The following FBXO5 variants were observed in gnomAD, a reference collection of about 807,000 sequenced individuals.
FBXO5 encodes F-box only protein 5.
In FBXO5, 8 loss-of-function variants were observed where a neutral mutation model predicts 43.3. The observed-to-expected ratio is 0.18, with a 90% CI of 0.11 to 0.33. The LOEUF is 0.33. FBXO5 is among the 10% of genes least tolerant of loss of function. The pLI is 1.00. For missense variants in FBXO5, 491 were observed against 535.7 expected (o/e 0.92, Z 0.82); for synonymous variants, 204 against 193.7 (o/e 1.05, Z -0.44).
intron 2 of FBXO5, 68 bp from the exon 3 acceptor site, chr6:152,973,204 A>G: frequency 8.0e-6 from 10 of 1,242,834 alleles, no homozygotes; most frequent in Non-Finnish European, 1.2e-5. Flanking sequence ...AATACAGTAG[A>G]AAAACATCAG....
chr6:152,979,573 A>T (rs1584082487), intron 1 of FBXO5, among the ~76,000 whole-genome samples: 2 of 152,332 alleles, frequency 1.3e-5, no homozygotes, highest in Admixed American at 1.3e-4. Context: ...TCACACTTAA[A>T]GGAGTGGGGA....
Position 152,978,539 on chromosome 6 carries a change from G to GAAGAC in FBXO5, c.104-2923_104-2919dup, listed in dbSNP as rs1778211083. ...AGCAAATGGCAGTGCCTGACACAAT[G>GAAGAC]AAGACATATGATATAAAAATGTGTT... On this transcript the variant is annotated intron_variant, in intron 1 of 4. Coordinates refer to ENST00000229758, the MANE Select transcript of FBXO5 (RefSeq NM_012177.5). 2.0e-5 allele frequency among the ~76,000 whole-genome samples: 3 copies of GAAGAC among 152,166 alleles called. No individual in the cohort carries two copies. In the South Asian group the frequency reaches 6.2e-4, roughly 32 times the overall value.
chr6:152,975,071 C>T lies in FBXO5; in HGVS notation c.654G>A (p.Glu218=). The part of the protein sequence containing the change: ...NAKRNPKVDR[E]MLKEIIARGN... The stretch of plus-strand genomic sequence containing the variant: ...CTCTGGCTATAATTTCCTTCAGCAT[C>T]TCCCGATCTACTTTAGGATTTCGTT... The change falls in exon 2 of 5, where the codon GAG becomes GAA. Residue 218 remains glutamate (E), a synonymous_variant. Transcript: ENST00000229758. 1 of 1,614,178 alleles carries T rather than the reference C, an allele frequency of 6.2e-7. No homozygotes were observed. Among genetic ancestry groups the T allele is most frequent in the African/African-American group, 1.3e-5 (1 of 75,054 alleles).
chr6:152,982,222 G>C (rs1486976548), intron 1 of FBXO5, among the ~76,000 whole-genome samples: 1 of 152,144 alleles, frequency 6.6e-6, no homozygotes. Context: ...TGGCGGGAGT[G>C]GGGAGGGAGA....
Position 152,971,359 on chromosome 6 carries a change from G to A in FBXO5, c.1148C>T (p.Ser383Leu). 1 of 1,613,640 alleles carries A rather than the reference G, an allele frequency of 6.2e-7. No individual in the cohort carries two copies. The highest frequency in any genetic ancestry group is 8.5e-7 in the Non-Finnish European group (1 of 1,179,882). The change falls in exon 5 of 5, where the codon TCA becomes TTA. Residue 383 changes from serine to leucine, a missense_variant. Ser to Leu is a moderately radical substitution (Grantham distance 145). Coordinates refer to ENST00000229758, the MANE Select transcript of FBXO5 (RefSeq NM_012177.5). ...ESLKACIRCN[S>L]PAKYDCYLQR... is the part of the protein sequence containing the mutation. ...TAAATAGCAATCATATTTTGCAGGT[G>A]AATTACAGCGAATACAGGCTTTGAG... is the stretch of plus-strand genomic sequence containing the variant.
intron 1 of FBXO5, among the ~76,000 whole-genome samples, chr6:152,980,051 G>A (rs1218291446): frequency 6.6e-6 from 1 of 152,172 alleles, no homozygotes; most frequent in Non-Finnish European, 1.5e-5. Context: ...TATAAAAATG[G>A]AAGCTGAAGC....
At chr6:152,980,006 C>T (rs1469121113) in intron 1 of FBXO5, among the ~76,000 whole-genome samples, 3 of 152,020 alleles carry the variant, frequency 2.0e-5, no homozygotes, top group African/African-American at 7.2e-5. Context: ...ATTTCCATAA[C>T]AATACTGCAG....
At position 152,978,377 on chromosome 6, in the gene FBXO5, T is replaced by TTGGGGGGGGGG. The variant is rs1491205604; in HGVS notation, c.104-2757_104-2756insCCCCCCCCCCA. The stretch of plus-strand genomic sequence containing the variant: ...ATTAATCATGGAGAGCTTCATTTTT[T>TTGGGGGGGGGG]GGGGGGGGGGGGGGGGCGGGGGACT... On this transcript the variant is annotated intron_variant, in intron 1 of 4. Coordinates refer to ENST00000229758, the MANE Select transcript of FBXO5 (RefSeq NM_012177.5). 9.5e-5 allele frequency among the ~76,000 whole-genome samples: 2 copies of TTGGGGGGGGGG among 21,110 alleles called. 1 individual carries two copies. The highest frequency in any genetic ancestry group is 4.0e-4 in the African/African-American group (2 of 4,960). 13.8% of individuals were successfully genotyped at this position (21,110 alleles called of 152,430 possible). A position where few individuals can be genotyped will look rare whatever the true frequency, so the allele number is the denominator to read the frequency against.
chr6:152,974,802 G>C, intron 2 of FBXO5, 105 bp downstream of exon 2: 2 of 854,420 alleles, frequency 2.3e-6, no homozygotes, highest in Non-Finnish European at 1.8e-6. Flanking sequence ...TCAGATGAGG[G>C]ACACTCAACC....
chr6:152,983,372 C>A (rs1031524160), upstream of FBXO5: 1 of 170,370 alleles, frequency 5.9e-6, no homozygotes, highest in Non-Finnish European at 1.2e-5. Flanking sequence ...TCTTCTGGAC[C>A]GGCCTCCTGC....
intron 1 of FBXO5, 139 bp from the exon 2 acceptor site, chr6:152,975,760 G>A (rs1175687048): frequency 1.7e-5 from 10 of 581,548 alleles, no homozygotes; most frequent in Non-Finnish European, 2.7e-5. Context: ...ACATAGCTGT[G>A]ATGTTATTCA....
intron 1 of FBXO5, among the ~76,000 whole-genome samples, chr6:152,977,676 T>TAAAGAATTAGGTTTGATTTATATATA: frequency 6.6e-6 from 1 of 152,252 alleles, no homozygotes; most frequent in East Asian, 1.9e-4. Context: ...TCAAATCAAC[T>TAAAGAATTAGGTTTGATTTATATATA]AAAGAATTAG....
At chr6:152,983,525 T>C (rs1778302181), upstream of FBXO5, 1 of 150,028 alleles carries the variant, frequency 6.7e-6, no homozygotes, top group Non-Finnish European at 1.5e-5. Flanking sequence ...ATCCAGACTT[T>C]CCGGAAGACG....
chr6:152,982,465 G>C (rs1778277325), intron 1 of FBXO5, among the ~76,000 whole-genome samples: 1 of 152,078 alleles, frequency 6.6e-6, no homozygotes, highest in Non-Finnish European at 1.5e-5. Context: ...TCGCAGCCCT[G>C]TCACCGCCGG....
Position 152,975,269 on chromosome 6 carries a change from T to C in FBXO5, c.456A>G (p.Leu152=), listed in dbSNP as rs957140351. The change falls in exon 2 of 5, where the codon CTA becomes CTG. Residue 152 remains leucine (L), a synonymous_variant. Coordinates refer to ENST00000229758, the MANE Select transcript of FBXO5 (RefSeq NM_012177.5). ...CTTCATGTTCACTGAGGCCACTTTG[T>C]AGAGAAAATGAGGAATAGCCACTGT... ...YEDSGYSSFS[L]QSGLSEHEEG... The C allele has an allele frequency of 6.2e-6, 10 of 1,614,154 alleles. No homozygotes were observed. Among genetic ancestry groups the C allele is most frequent in the Middle Eastern group, 1.6e-4 (1 of 6,062 alleles).
intron 2 of FBXO5, 85 bp downstream of exon 2, chr6:152,974,822 G>T: frequency 9.6e-7 from 1 of 1,038,064 alleles, no homozygotes; most frequent in Non-Finnish European, 1.4e-6. Context: ...CTGTACAACA[G>T]CCTTTGCATG....
At chr6:152,981,792 A>C (rs893425821) in intron 1 of FBXO5, among the ~76,000 whole-genome samples, 1 of 152,066 alleles carries the variant, frequency 6.6e-6, no homozygotes, top group Admixed American at 6.5e-5. Flanking sequence ...GTTCTTTTTT[A>C]ATAATAGAGT....
At chr6:152,977,122 G>C (rs992704772) in intron 1 of FBXO5, among the ~76,000 whole-genome samples, 1 of 152,212 alleles carries the variant, frequency 6.6e-6, no homozygotes, top group Non-Finnish European at 1.5e-5. Flanking sequence ...TGCTGGGAAG[G>C]AATATGGTAG....
In FBXO5 at chr6:152,975,092, T is replaced by C. The variant is rs1289285588; in HGVS notation, c.633A>G (p.Arg211=). The part of the protein sequence containing the change: ...VCSTLKKNAK[R]NPKVDREMLK... ...GCATCTCCCGATCTACTTTAGGATTTCGTTTTGCATTCTTTTTTAATGTTG... is the reference window on the plus strand; with the variant it reads ...GCATCTCCCGATCTACTTTAGGATTCCGTTTTGCATTCTTTTTTAATGTTG... Residue 211 remains arginine (R), a synonymous_variant, in exon 2 of 5, where the codon CGA becomes CGG. Coordinates refer to ENST00000229758, the MANE Select transcript of FBXO5 (RefSeq NM_012177.5). 2 of 1,614,226 alleles carry C rather than the reference T, an allele frequency of 1.2e-6. No individual in the cohort carries two copies. Among genetic ancestry groups the C allele is most frequent in the Non-Finnish European group, 1.7e-6 (2 of 1,180,036 alleles).
Sources: allele counts gnomAD v4.1 joint callset (sites outside exome capture counted in the v4.1 genomes callset), GRCh38; gene constraint gnomAD v4.1.1; transcripts MANE v1.5; gene names NCBI Gene and HGNC (gene_info 2026-07-23, HGNC 2026-07-21).